Variants in HYCC2 observed in about 807,000 individuals in gnomAD.
The protein encoded by HYCC2 is hyccin 2.
the HYCC2 span, among the ~76,000 whole-genome samples, chr2:201,055,382 C>T: frequency 7.6e-6 from 1 of 132,350 alleles, no homozygotes; most frequent in Non-Finnish European, 1.6e-5. Context: ...AATTCCATCT[C>T]GAAAAAAAAA....
chr2:201,006,175 T>C, the HYCC2 span, among the ~76,000 whole-genome samples: 1 of 150,278 alleles, frequency 6.7e-6, no homozygotes, highest in Non-Finnish European at 1.5e-5. Context: ...TCACCCAGGC[T>C]GGAGTGCACT....
chr2:201,044,894 C>A, the HYCC2 span, among the ~76,000 whole-genome samples: 17 of 152,256 alleles, frequency 1.1e-4, no homozygotes, highest in South Asian at 3.5e-3. Flanking sequence ...GCAAAACTAA[C>A]TGTGGTAAGT....
chr2:201,009,223 G>A, the HYCC2 span: 17 of 491,628 alleles, frequency 3.5e-5, no homozygotes, highest in Admixed American at 6.5e-5. Flanking sequence ...TCACGGAAAA[G>A]GTTCAGAATC....
chr2:201,005,494 A>T, the HYCC2 span, among the ~76,000 whole-genome samples: 1 of 152,142 alleles, frequency 6.6e-6, no homozygotes, highest in Non-Finnish European at 1.5e-5. Context: ...TTCCTAAGCA[A>T]AAAAACCGGA....
At chr2:201,013,666 A>G in the HYCC2 span, among the ~76,000 whole-genome samples, 1 of 152,194 alleles carries the variant, frequency 6.6e-6, no homozygotes. Flanking sequence ...CCTTGAGGGT[A>G]TAACTTCTTT....
the HYCC2 span, among the ~76,000 whole-genome samples, chr2:201,042,534 C>A: frequency 1.5e-4 from 23 of 152,076 alleles, no homozygotes; most frequent in African/African-American, 5.5e-4. Context: ...CCGCCGCCAC[C>A]CCGTCTGGGA....
the HYCC2 span, among the ~76,000 whole-genome samples, chr2:201,060,043 TA>T: frequency 3.8e-5 from 2 of 52,238 alleles, no homozygotes; most frequent in African/African-American, 1.3e-4. Context: ...AAACTCTGTC[TA>T]AAAAAAAAGC....
the HYCC2 span, among the ~76,000 whole-genome samples, chr2:201,032,968 A>G: frequency 5.3e-5 from 8 of 152,168 alleles, no homozygotes; most frequent in East Asian, 1.9e-4. Flanking sequence ...CAAGAAGTCT[A>G]TGTTTTAGGA....
chr2:201,019,015 A>T, the HYCC2 span, among the ~76,000 whole-genome samples: 1 of 152,208 alleles, frequency 6.6e-6, no homozygotes, highest in African/African-American at 2.4e-5. Context: ...ATCACAAAAC[A>T]GTGTATTCTA....
At chr2:201,011,583 A>T in the HYCC2 span, 10 of 596,730 alleles carry the variant, frequency 1.7e-5, no homozygotes, top group Non-Finnish European at 2.7e-5. Flanking sequence ...GATTTTTCAG[A>T]AACAGTAATG....
the HYCC2 span, among the ~76,000 whole-genome samples, chr2:201,062,524 A>AG: frequency 1.3e-5 from 2 of 152,004 alleles, no homozygotes; most frequent in Non-Finnish European, 2.9e-5. Context: ...GGTGGCGGGC[A>AG]CCTGTAGTCC....
At chr2:201,016,739 A>G in the HYCC2 span, among the ~76,000 whole-genome samples, 6 of 151,588 alleles carry the variant, frequency 4.0e-5, 1 homozygote, top group Admixed American at 3.9e-4. Context: ...AGCTGGGATT[A>G]CAGGAACACA....
the HYCC2 span, among the ~76,000 whole-genome samples, chr2:200,985,274 G>T: frequency 6.6e-6 from 1 of 151,952 alleles, no homozygotes; most frequent in Admixed American, 6.6e-5. Context: ...TATTTACACT[G>T]AACGCCAAGA....
At chr2:201,066,408 A>G in the HYCC2 span, among the ~76,000 whole-genome samples, 10 of 152,188 alleles carry the variant, frequency 6.6e-5, no homozygotes, top group Non-Finnish European at 1.5e-5. Context: ...CAGTCACCCT[A>G]TAATGTAGAA....
At chr2:201,059,993 G>A in the HYCC2 span, among the ~76,000 whole-genome samples, 22 of 140,162 alleles carry the variant, frequency 1.6e-4, no homozygotes, top group African/African-American at 3.6e-4. Context: ...GCAGTGAGCC[G>A]AGATTGCGCC....
chr2:200,981,393 G>A, the HYCC2 span: 2 of 1,614,134 alleles, frequency 1.2e-6, no homozygotes, highest in Non-Finnish European at 8.5e-7. This position sits in a 1 kb window ranked among gnomAD's most constrained non-coding sequence, Gnocchi z 4.5. Flanking sequence ...CCTGCAGACT[G>A]ACAGTTGAGT....
chr2:201,067,960 G>A, the HYCC2 span, among the ~76,000 whole-genome samples: 1 of 152,098 alleles, frequency 6.6e-6, no homozygotes, highest in East Asian at 1.9e-4. Flanking sequence ...TTCATTTCTG[G>A]CAACTCCAGC....
chr2:200,981,712 G>A, the HYCC2 span: 1 of 1,614,000 alleles, frequency 6.2e-7, no homozygotes, highest in Non-Finnish European at 8.5e-7. This position sits in a 1 kb window ranked among gnomAD's most constrained non-coding sequence, Gnocchi z 4.5. Flanking sequence ...TTTATCCTTG[G>A]CTGAACGCCC....
At chr2:201,005,601 G>A in the HYCC2 span, among the ~76,000 whole-genome samples, 2 of 152,176 alleles carry the variant, frequency 1.3e-5, no homozygotes, top group African/African-American at 2.4e-5. Flanking sequence ...GACAGAGAAT[G>A]TATATTTATC....
Sources: gnomAD v4.1 joint callset for allele counts (sites outside exome capture counted in the v4.1 genomes callset) on GRCh38, gnomAD v4.1.1 for gene constraint, Gnocchi (gnomAD v3.1) non-coding constraint, MANE v1.5 for transcripts, NCBI Gene and HGNC (gene_info 2026-07-23, HGNC 2026-07-21) for gene names.